The following VAV3 variants were observed in gnomAD, a reference collection of about 807,000 sequenced individuals.
VAV3 encodes vav guanine nucleotide exchange factor 3, also known as guanine nucleotide exchange factor VAV3.
VAV3 carries 94 observed loss-of-function variants against 131.2 expected under a neutral mutation model. That is an observed-to-expected ratio of 0.72 (90% confidence interval 0.61 to 0.85). VAV3 has a LOEUF of 0.85. Among genes scored for constraint, VAV3 ranks in the 40% least tolerant of loss-of-function variants. VAV3 has a pLI of 0.00. For synonymous variants in VAV3, 349 were observed against 342.0 expected (o/e 1.02, Z -0.22); for missense variants, 939 against 1,002.7 (o/e 0.94, Z 0.86).
intron 2 of VAV3, among the ~76,000 whole-genome samples, chr1:107,869,634 T>C (rs1670163675): frequency 6.6e-6 from 1 of 152,094 alleles, no homozygotes. Flanking sequence ...TCAGAAACCA[T>C]GTATTGTTTT....
intron 7 of VAV3, among the ~76,000 whole-genome samples, chr1:107,767,838 TA>T: frequency 6.6e-6 from 1 of 152,212 alleles, no homozygotes; most frequent in East Asian, 1.9e-4. Flanking sequence ...AATATCCTTT[TA>T]AGATTGTAAG....
At chr1:107,883,245 T>G (rs150546237) in intron 1 of VAV3, among the ~76,000 whole-genome samples, 21 of 152,304 alleles carry the variant, frequency 1.4e-4, no homozygotes, top group African/African-American at 5.1e-4. Context: ...ACATGCACCC[T>G]CTTTGCTCTG....
chr1:107,846,988 T>C (rs570629626), intron 2 of VAV3, among the ~76,000 whole-genome samples: 12 of 152,214 alleles, frequency 7.9e-5, no homozygotes, highest in East Asian at 7.7e-4. Flanking sequence ...CAGCACCACA[T>C]TGCACTTATT....
In VAV3 at chr1:107,860,784, T is replaced by A. The variant is rs529876432; in HGVS notation, c.321+14117A>T. Among the ~76,000 whole-genome samples the A allele has an allele frequency of 3.3e-5, 5 of 151,730 alleles. 1 individual carries two copies. Among genetic ancestry groups the A allele is most frequent in the Admixed American group, 3.3e-4 (5 of 15,202 alleles). On this transcript the variant is annotated intron_variant, in intron 2 of 26. Transcript: ENST00000370056. ...AGTGGCGTGCACTTGCAGTCCCGGC[T>A]ACTCAGGAGGCTGAGGCACAAGGAC... is the stretch of plus-strand genomic sequence containing the variant.
At chr1:107,663,300 T>G (rs1261264235) in intron 19 of VAV3, among the ~76,000 whole-genome samples, 2 of 152,164 alleles carry the variant, frequency 1.3e-5, no homozygotes, top group African/African-American at 4.8e-5. Context: ...GTCATTAAAA[T>G]AACTTTATAA....
chr1:107,688,069 G>A (rs1012959982), intron 18 of VAV3, among the ~76,000 whole-genome samples: 6 of 152,126 alleles, frequency 3.9e-5, no homozygotes, highest in Non-Finnish European at 8.8e-5. Flanking sequence ...ATTTCATGAC[G>A]GGGACGCATC....
At chr1:107,730,386 T>C (rs1662157974) in intron 15 of VAV3, among the ~76,000 whole-genome samples, 1 of 152,208 alleles carries the variant, frequency 6.6e-6, no homozygotes, top group African/African-American at 2.4e-5. Context: ...AGGCTTTCCT[T>C]CTCAGTTCCT....
At chr1:107,952,415 A>C (rs1674583696) in intron 1 of VAV3, among the ~76,000 whole-genome samples, 1 of 148,874 alleles carries the variant, frequency 6.7e-6, no homozygotes, top group Admixed American at 6.7e-5. Flanking sequence ...CCCATGACAC[A>C]CGTTTACCTA....
At chr1:107,586,739 G>A (rs1650527339) in intron 25 of VAV3, among the ~76,000 whole-genome samples, 1 of 152,042 alleles carries the variant, frequency 6.6e-6, no homozygotes. Context: ...CATACCAGAT[G>A]AAAAGTTACC....
intron 10 of VAV3, among the ~76,000 whole-genome samples, chr1:107,760,289 C>T (rs1664339227): frequency 6.6e-6 from 1 of 152,040 alleles, no homozygotes; most frequent in African/African-American, 2.4e-5. Flanking sequence ...CCGTGGAAAC[C>T]ATAGCTTTGT....
intron 1 of VAV3, among the ~76,000 whole-genome samples, chr1:107,886,604 T>C (rs143304162): frequency 9.9e-4 from 151 of 152,336 alleles, no homozygotes; most frequent in African/African-American, 3.6e-3. Context: ...GAAATCTAAG[T>C]GGATAGGTTT....
At chr1:107,694,118 G>A (rs1659604875) in intron 17 of VAV3, among the ~76,000 whole-genome samples, 1 of 152,182 alleles carries the variant, frequency 6.6e-6, no homozygotes, top group Non-Finnish European at 1.5e-5. Context: ...AATGGGACCT[G>A]GGGGTTTGTT....
Position 107,954,108 on chromosome 1 carries a change from A to C in VAV3, c.204+10558T>G, listed in dbSNP as rs561778152. 7.9e-4 allele frequency among the ~76,000 whole-genome samples: 120 copies of C among 152,364 alleles called. 1 individual carries two copies. Among genetic ancestry groups the C allele is most frequent in the African/African-American group, 2.9e-3 (119 of 41,582 alleles). On this transcript the variant is annotated intron_variant, in intron 1 of 26. Coordinates refer to ENST00000370056, the MANE Select transcript of VAV3 (RefSeq NM_006113.5). ...GAATGTCAACTTGTGACTGGCTTTA[A>C]CACCATGAAGGGTCTATGTTAACAG...
chr1:107,573,025 G>A lies in VAV3; in HGVS notation c.*306C>T. 2.7e-6 allele frequency: 1 copy of A among 366,042 alleles called. No homozygotes were observed. Among genetic ancestry groups the A allele is most frequent in the Non-Finnish European group, 4.9e-6 (1 of 205,402 alleles). 22.7% of individuals were successfully genotyped at this position (366,042 alleles called of 1,614,324 possible). On this transcript the variant is annotated 3_prime_UTR_variant, in exon 27 of 27. Coordinates refer to ENST00000370056, the MANE Select transcript of VAV3 (RefSeq NM_006113.5). ...ATGGTATCTGACCAGAAGAAGTAAA[G>A]GGAAGCACGAACCAATGTGTTTGCA... is the stretch of plus-strand genomic sequence containing the variant.
chr1:107,709,930 G>A (rs1291255910), intron 15 of VAV3, among the ~76,000 whole-genome samples: 1 of 152,060 alleles, frequency 6.6e-6, no homozygotes, highest in African/African-American at 2.4e-5. Flanking sequence ...GAGAACAGAC[G>A]AATACAATAT....
At chr1:107,719,651 C>T (rs11804838) in intron 15 of VAV3, among the ~76,000 whole-genome samples, 12,906 of 152,188 alleles carry the variant, frequency 0.085, 697 homozygotes, top group Admixed American at 0.17. Context: ...GACAGTGTGG[C>T]AATTCCTCAA....
chr1:107,705,122 C>T, intron 15 of VAV3, 61 bp from the exon 16 acceptor site: 2 of 1,256,072 alleles, frequency 1.6e-6, no homozygotes, highest in South Asian at 2.6e-5. Context: ...GCAATTTAGT[C>T]ATCTAAACCC....
chr1:107,765,729 G>A (rs1664699065), intron 8 of VAV3, among the ~76,000 whole-genome samples: 1 of 152,152 alleles, frequency 6.6e-6, no homozygotes, highest in African/African-American at 2.4e-5. Context: ...CCACTTCAGG[G>A]AAGGTATCTC....
At chr1:107,904,260 C>T (rs1373528224) in intron 1 of VAV3, among the ~76,000 whole-genome samples, 1 of 152,192 alleles carries the variant, frequency 6.6e-6, no homozygotes, top group Non-Finnish European at 1.5e-5. Flanking sequence ...CATGTTACTG[C>T]TAGATGCCAA....
Sources: allele counts gnomAD v4.1 joint callset (sites outside exome capture counted in the v4.1 genomes callset), GRCh38; gene constraint gnomAD v4.1.1; transcripts MANE v1.5; gene names NCBI Gene and HGNC (gene_info 2026-07-23, HGNC 2026-07-21).